RCSD1: variants seen among roughly 807,000 people sequenced by gnomAD.
RCSD1 encodes the protein capZ-interacting protein.
RCSD1 carries 26 observed loss-of-function variants against 42.5 expected under a neutral mutation model. The ratio of observed to expected loss-of-function variants is 0.61; its 90% CI spans 0.45 to 0.85. The LOEUF is 0.85. RCSD1 is among the 40% of genes least tolerant of loss of function. The pLI, the probability that RCSD1 is intolerant of heterozygous loss-of-function variation, is 0.00. For synonymous variants in RCSD1, 220 were observed against 212.2 expected (o/e 1.04, Z -0.32); for missense variants, 571 against 528.3 (o/e 1.08, Z -0.79).
At chr1:167,685,570 G>A (rs1167018262) in intron 3 of RCSD1, 60 bp downstream of exon 3, 1 of 1,444,590 alleles carries the variant, frequency 6.9e-7, no homozygotes, top group Non-Finnish European at 9.7e-7. Context: ...CTCTTCTTGA[G>A]GAAAGTTTGG....
chr1:167,655,151 G>A (rs969491261), intron 1 of RCSD1, among the ~76,000 whole-genome samples: 2 of 152,058 alleles, frequency 1.3e-5, no homozygotes, highest in African/African-American at 4.8e-5. Flanking sequence ...CCTCCCTCCT[G>A]CAAAAGAAAT....
chr1:167,692,288 T>C (rs575596159), intron 4 of RCSD1, among the ~76,000 whole-genome samples: 2 of 152,334 alleles, frequency 1.3e-5, no homozygotes, highest in East Asian at 3.9e-4. Flanking sequence ...ATTTTCTTTT[T>C]TAGGATAGCC....
At chr1:167,676,585 T>C (rs1447944684) in intron 1 of RCSD1, among the ~76,000 whole-genome samples, 1 of 151,920 alleles carries the variant, frequency 6.6e-6, no homozygotes, top group African/African-American at 2.4e-5. Context: ...AGTTGGCACA[T>C]TTTAGAGACA....
chr1:167,697,830 C>G lies in RCSD1; in HGVS notation c.1206C>G (p.Val402=). 1.4e-6 allele frequency: 2 copies of G among 1,464,176 alleles called. No homozygotes were observed. The highest frequency in any genetic ancestry group is 1.8e-6 in the Non-Finnish European group (2 of 1,107,864). 90.7% of individuals were successfully genotyped at this position (1,464,176 alleles called of 1,614,324 possible). The change falls in exon 6 of 7, where the codon GTC becomes GTG. Residue 402 remains valine, a synonymous_variant. Coordinates refer to ENST00000367854, the MANE Select transcript of RCSD1 (RefSeq NM_052862.4). ...GTGAGGTCCAGAGCGAGCCAGCAGT[C>G]CCCAAGCCGGAGGTAGGTGGCCTGG... The part of the protein sequence containing the change: ...TSSEVQSEPA[V]PKPEDDTPVQ...
At chr1:167,695,357 G>T (rs879886833) in intron 5 of RCSD1, among the ~76,000 whole-genome samples, 3 of 152,234 alleles carry the variant, frequency 2.0e-5, no homozygotes, top group Non-Finnish European at 4.4e-5. Flanking sequence ...TGCTGGTCAT[G>T]AGGGCTGGGG....
At chr1:167,634,433 A>G (rs1657781046) in intron 1 of RCSD1, among the ~76,000 whole-genome samples, 1 of 152,158 alleles carries the variant, frequency 6.6e-6, no homozygotes, top group Admixed American at 6.5e-5. Flanking sequence ...TGTTCTAAGC[A>G]GAATGTCCAC....
chr1:167,701,775 T>C lies in RCSD1; in HGVS notation c.1219-2889T>C, dbSNP rs79952033. The stretch of plus-strand genomic sequence containing the variant: ...ATTTGTTTAATCTGGAAGAGGGCAC[T>C]GTCTCCAGTCCTCCCTGTTCCTCTT... On this transcript the variant is annotated intron_variant, in intron 6 of 6. Transcript: ENST00000367854. Among the ~76,000 whole-genome samples, 460 of 152,338 alleles carry C rather than the reference T, an allele frequency of 3.0e-3. 5 individuals are homozygous for C. The highest frequency in any genetic ancestry group is 0.011 in the African/African-American group (441 of 41,576).
rs201365489 is a variant in RCSD1, at chr1:167,685,413, C to G, written c.109-8C>G. 1.3e-4 allele frequency: 207 copies of G among 1,611,250 alleles called. 2 individuals are homozygous for G. Among genetic ancestry groups the G allele is most frequent in the Middle Eastern group, 8.3e-4 (5 of 6,056 alleles). On this transcript the variant is annotated splice_region_variant and splice_polypyrimidine_tract_variant and intron_variant, in intron 2 of 6. Coordinates refer to ENST00000367854, the MANE Select transcript of RCSD1 (RefSeq NM_052862.4). ...TCTCTGTGTGTCTGTCTGTCGCCCTCCCTCCAGACACCAGCCAGTAAACCA... is the reference window on the plus strand; with the variant it reads ...TCTCTGTGTGTCTGTCTGTCGCCCTGCCTCCAGACACCAGCCAGTAAACCA...
chr1:167,696,650 G>A (rs374654145), intron 5 of RCSD1, among the ~76,000 whole-genome samples: 6 of 151,740 alleles, frequency 4.0e-5, no homozygotes, highest in East Asian at 1.9e-4. Context: ...ATGGAGTCTC[G>A]CTACGTTGCC....
intron 3 of RCSD1, among the ~76,000 whole-genome samples, chr1:167,688,702 C>T (rs1307999760): frequency 1.3e-5 from 2 of 152,226 alleles, no homozygotes; most frequent in African/African-American, 4.8e-5. Flanking sequence ...AGCCTCCCTC[C>T]TTCCATCACT....
chr1:167,636,590 G>T (rs377543310), intron 1 of RCSD1, among the ~76,000 whole-genome samples: 2,537 of 145,802 alleles, frequency 0.017, 32 homozygotes, highest in Non-Finnish European at 0.024. Flanking sequence ...GTTTTTTTTT[G>T]TTTGTTTGTT....
intron 1 of RCSD1, among the ~76,000 whole-genome samples, chr1:167,650,075 C>G (rs1658265042): frequency 6.6e-6 from 1 of 152,180 alleles, no homozygotes; most frequent in African/African-American, 2.4e-5. Flanking sequence ...GATCTTGAAT[C>G]AGTGGCACAA....
At chr1:167,675,576 G>A (rs991236049) in intron 1 of RCSD1, among the ~76,000 whole-genome samples, 6 of 152,160 alleles carry the variant, frequency 3.9e-5, no homozygotes, top group African/African-American at 1.4e-4. Flanking sequence ...ACATGGACTT[G>A]ATATTTTGGT....
chr1:167,685,542 T>C, intron 3 of RCSD1, 32 bp downstream of exon 3: 1 of 1,575,128 alleles, frequency 6.3e-7, no homozygotes, highest in Admixed American at 1.7e-5. Context: ...CAGAGGATGC[T>C]GTGATGGGTT....
chr1:167,662,441 T>A (rs1189458716), intron 1 of RCSD1, among the ~76,000 whole-genome samples: 1 of 152,124 alleles, frequency 6.6e-6, no homozygotes, highest in Non-Finnish European at 1.5e-5. Context: ...CCTCATTTCT[T>A]TTTTTCTTCT....
Position 167,694,085 on chromosome 1 carries a change from T to C in RCSD1, c.271-14T>C, listed in dbSNP as rs1273273114. The C allele has an allele frequency of 6.2e-7, 1 of 1,613,806 alleles. No individual in the cohort carries two copies. The highest frequency in any genetic ancestry group is 1.1e-5 in the South Asian group (1 of 91,080). ...CCCTAGTCCTATTTGAAATTGTTCA[T>C]CTTTTCTTGACAGGCCAATTTAACC... On this transcript the variant is annotated splice_polypyrimidine_tract_variant and intron_variant, in intron 4 of 6. Coordinates refer to ENST00000367854, the MANE Select transcript of RCSD1 (RefSeq NM_052862.4).
At chr1:167,645,439 T>A (rs1658110984) in intron 1 of RCSD1, among the ~76,000 whole-genome samples, 1 of 152,124 alleles carries the variant, frequency 6.6e-6, no homozygotes, top group Non-Finnish European at 1.5e-5. Context: ...AGATAAGATA[T>A]GTCCCCAGAT....
At chr1:167,663,317 C>G (rs1354955368) in intron 1 of RCSD1, among the ~76,000 whole-genome samples, 2 of 152,252 alleles carry the variant, frequency 1.3e-5, no homozygotes, top group Non-Finnish European at 2.9e-5. Context: ...GCACAGCCCT[C>G]AAACTGTGGC....
intron 4 of RCSD1, among the ~76,000 whole-genome samples, chr1:167,691,450 G>A (rs755862891): frequency 2.6e-5 from 4 of 152,238 alleles, no homozygotes; most frequent in African/African-American, 7.2e-5. Context: ...GCTAAAGTGC[G>A]GAGGAGAGGC....
Sources: allele counts gnomAD v4.1 joint callset (sites outside exome capture counted in the v4.1 genomes callset), GRCh38; gene constraint gnomAD v4.1.1; transcripts MANE v1.5; gene names NCBI Gene and HGNC (gene_info 2026-07-23, HGNC 2026-07-21).